The following CYB561A3 variants were observed in gnomAD, a reference collection of about 807,000 sequenced individuals.
The protein encoded by CYB561A3 is lysosomal membrane ascorbate-dependent ferrireductase CYB561A3.
In CYB561A3, 16 loss-of-function variants were observed where a neutral mutation model predicts 25.3. That is an observed-to-expected ratio of 0.63 (90% CI 0.43 to 0.96). The LOEUF (loss-of-function observed/expected upper bound fraction) is 0.96. Among genes scored for constraint, CYB561A3 ranks in the 40% least tolerant of loss-of-function variants. CYB561A3 has a pLI of 0.00. For missense variants in CYB561A3, 219 were observed against 307.5 expected, an observed-to-expected ratio of 0.71 and a Z score of 2.15; for synonymous variants, 131 against 129.9, an observed-to-expected ratio of 1.01 and a Z score of -0.06.
chr11:61,350,685 C>T (rs1857359988), intron 6 of CYB561A3: 1 of 597,878 alleles, frequency 1.7e-6, no homozygotes, highest in Admixed American at 3.0e-5. Context: ...AATCACACAC[C>T]CTTGTCACAG....
intron 5 of CYB561A3, chr11:61,351,968 G>A (rs1857433580): frequency 6.6e-6 from 1 of 151,902 alleles, no homozygotes; most frequent in Non-Finnish European, 1.5e-5. Flanking sequence ...GCCCAGGCTG[G>A]ACTCCTTCCA....
rs367724244 is a variant in CYB561A3, at chr11:61,349,346, C to T, written c.*1053G>A. ...CAGTGGCTCCCAGGGCTGCTGCACA[C>T]TGGACACCACAACTTTGGCATCAGC... On this transcript the variant is annotated 3_prime_UTR_variant, in exon 7 of 7. Transcript: ENST00000294072. 1.8e-6 allele frequency: 1 copy of T among 561,970 alleles called. No homozygotes were observed. The highest frequency in any genetic ancestry group is 1.9e-5 in the African/African-American group (1 of 53,018). The allele number at this position is 561,970 out of a possible 1,614,324, so 34.8% of individuals were successfully genotyped here. A position where few individuals can be genotyped will look rare whatever the true frequency, so the allele number is the denominator to read the frequency against.
upstream of CYB561A3, chr11:61,362,251 A>C (rs1240146847): frequency 2.6e-5 from 4 of 152,394 alleles, no homozygotes; most frequent in African/African-American, 9.6e-5. Flanking sequence ...CGAACAGCGA[A>C]AGCTCCAACA....
intron 6 of CYB561A3, 200 bp from the exon 7 acceptor site, chr11:61,350,622 C>G: frequency 6.1e-6 from 4 of 654,942 alleles, no homozygotes; most frequent in Non-Finnish European, 1.0e-5. Flanking sequence ...GAGCACTCAG[C>G]TGGTCACCAG....
intron 2 of CYB561A3, chr11:61,357,517 G>A (rs1233495977): frequency 2.6e-6 from 1 of 388,416 alleles, no homozygotes; most frequent in Non-Finnish European, 4.7e-6. Context: ...GCCCTGAGCA[G>A]TTGCTCTTAA....
chr11:61,356,518 C>T lies in CYB561A3; in HGVS notation c.184+12G>A, dbSNP rs1857659349. ...AGCCCTATCCCGCCTCCCTTCCTGA[C>T]CTCTTACTCACCACCTCCATAGAAT... On this transcript the variant is annotated intron_variant, in intron 3 of 6. Coordinates refer to ENST00000294072, the MANE Select transcript of CYB561A3 (RefSeq NM_153611.6). 9.3e-6 allele frequency: 15 copies of T among 1,611,230 alleles called. No individual in the cohort carries two copies. Among genetic ancestry groups the T allele is most frequent in the Admixed American group, 8.4e-5 (5 of 59,874 alleles).
rs1039130122 is a variant in CYB561A3 at position 61,349,758 on chromosome 11, C to G, written c.*641G>C. 1 of 658,944 alleles carries G rather than the reference C, an allele frequency of 1.5e-6. No homozygotes were observed. The highest frequency in any genetic ancestry group is 1.8e-5 in the African/African-American group (1 of 56,492). 40.8% of individuals were successfully genotyped at this position (658,944 alleles called of 1,614,324 possible). A position where few individuals can be genotyped will look rare whatever the true frequency, so the allele number is the denominator to read the frequency against. ...CAGAAGCTGCGTGGGCCGCCACTCCCCCTTTCTGCAATCACCCCATGATGT... is the reference window on the plus strand; with the variant it reads ...CAGAAGCTGCGTGGGCCGCCACTCCGCCTTTCTGCAATCACCCCATGATGT... On this transcript the variant is annotated 3_prime_UTR_variant, in exon 7 of 7. Transcript: ENST00000294072.
rs190949677 is a variant in CYB561A3 at position 61,349,595 on chromosome 11, C to A, written c.*804G>T. ...TAGGGCTGCCTGCCGGTGACAGACACGTAAGTCACAGGGAAAGGCCGGGAT... is the reference window on the plus strand; with the variant it reads ...TAGGGCTGCCTGCCGGTGACAGACAAGTAAGTCACAGGGAAAGGCCGGGAT... On this transcript the variant is annotated 3_prime_UTR_variant, in exon 7 of 7. Transcript: ENST00000294072. The A allele has an allele frequency of 1.4e-6, 1 of 702,850 alleles. No homozygotes were observed. The highest frequency in any genetic ancestry group is 2.6e-6 in the Non-Finnish European group (1 of 384,994). The allele number at this position is 702,850 out of a possible 1,614,324, so 43.5% of individuals were successfully genotyped here.
rs2135116803 is a variant in CYB561A3, at chr11:61,353,988, T to C, written c.189A>G (p.Ser63=). 6.2e-7 allele frequency: 1 copy of C among 1,614,022 alleles called. No homozygotes were observed. The highest frequency in any genetic ancestry group is 8.5e-7 in the Non-Finnish European group (1 of 1,180,008). ...ACGACTGGGGCAGGCGGTACACCAG[T>C]GACGCTGCAGGAGAGAGTAGTGCCA... is the stretch of plus-strand genomic sequence containing the variant. ...AGMVVFYGGA[S]LVYRLPQSWV... Residue 63 remains serine (S), a synonymous_variant, in exon 4 of 7, where the codon TCA becomes TCG. Coordinates refer to ENST00000294072, the MANE Select transcript of CYB561A3 (RefSeq NM_153611.6).
chr11:61,354,610 T>C (rs1857567047), intron 3 of CYB561A3: 1 of 152,210 alleles, frequency 6.6e-6, no homozygotes, highest in Non-Finnish European at 1.5e-5. Context: ...CACTGCACTC[T>C]AGCCTGAAAA....
intron 1 of CYB561A3, chr11:61,359,871 A>AT (rs1857778635): frequency 6.6e-6 from 1 of 152,274 alleles, no homozygotes; most frequent in East Asian, 1.9e-4. Context: ...AAATACAAAA[A>AT]TTAGCCAGGC....
chr11:61,351,284 CTTTTT>C (rs909648792), intron 5 of CYB561A3, 137 bp from the exon 6 acceptor site: 1,239 of 292,100 alleles, frequency 4.2e-3, no homozygotes, highest in East Asian at 6.2e-3. Flanking sequence ...AACACCCTTT[CTTTTT>C]TTTTTTTTTT....
At position 61,353,766 on chromosome 11, in the gene CYB561A3, A is replaced by G; in HGVS notation, c.393+18T>C. 6.2e-7 allele frequency: 1 copy of G among 1,613,906 alleles called. No homozygotes were observed. The highest frequency in any genetic ancestry group is 8.5e-7 in the Non-Finnish European group (1 of 1,179,850). ...CATGGCTCTGGGAACCTCGAGGAGGAGAACAGAGAGAACCCACCTGGCAGG... is the reference window on the plus strand; with the variant it reads ...CATGGCTCTGGGAACCTCGAGGAGGGGAACAGAGAGAACCCACCTGGCAGG... On this transcript the variant is annotated intron_variant, in intron 4 of 6. Transcript: ENST00000294072.
chr11:61,355,831 T>C (rs946974311), intron 3 of CYB561A3, among the ~76,000 whole-genome samples: 2 of 152,146 alleles, frequency 1.3e-5, no homozygotes, highest in Admixed American at 6.6e-5. Context: ...GGCTCAAGCC[T>C]GTAATCCCAG....
At chr11:61,362,075 T>C (rs1857921530), upstream of CYB561A3, 1 of 152,354 alleles carries the variant, frequency 6.6e-6, no homozygotes. Context: ...ACTGCTGCGA[T>C]GCATCAGCCC....
intron 4 of CYB561A3, 73 bp from the exon 5 acceptor site, chr11:61,353,212 C>G: frequency 1.3e-6 from 2 of 1,500,924 alleles, no homozygotes; most frequent in Non-Finnish European, 1.8e-6. Context: ...ATCAGTGCCT[C>G]CTCCCCATCT....
At chr11:61,356,913 T>C in intron 2 of CYB561A3, 185 bp from the exon 3 acceptor site, 1 of 1,443,256 alleles carries the variant, frequency 6.9e-7, no homozygotes, top group Admixed American at 2.8e-5. Flanking sequence ...TGATCTTCAG[T>C]CACAATGACT....
intron 3 of CYB561A3, 173 bp downstream of exon 3, chr11:61,356,357 C>T (rs974347439): frequency 7.7e-6 from 7 of 908,238 alleles, no homozygotes; most frequent in East Asian, 2.6e-5. Context: ...CTGAGATGCC[C>T]CCCATCTTAA....
At position 61,349,326 on chromosome 11, in the gene CYB561A3, G is replaced by T. The variant is rs1175679116; in HGVS notation, c.*1073C>A. 2 of 527,522 alleles carry T rather than the reference G, an allele frequency of 3.8e-6. No individual in the cohort carries two copies. The highest frequency in any genetic ancestry group is 6.9e-6 in the Non-Finnish European group (2 of 289,792). The allele number at this position is 527,522 out of a possible 1,614,324, so 32.7% of individuals were successfully genotyped here. A position where few individuals can be genotyped will look rare whatever the true frequency, so the allele number is the denominator to read the frequency against. ...AGGAACCCCTCTGAAGGTGGCAGTG[G>T]CTCCCAGGGCTGCTGCACACTGGAC... On this transcript the variant is annotated 3_prime_UTR_variant, in exon 7 of 7. Transcript: ENST00000294072.
Sources: allele counts gnomAD v4.1 joint callset (sites outside exome capture counted in the v4.1 genomes callset), GRCh38; gene constraint gnomAD v4.1.1; transcripts MANE v1.5; gene names NCBI Gene and HGNC (gene_info 2026-07-23, HGNC 2026-07-21).